RHBDD1: variants seen among roughly 807,000 people sequenced by gnomAD.
RHBDD1 encodes rhomboid domain containing 1, also known as rhomboid-related protein 4.
A neutral mutation model predicts 36.3 loss-of-function variants in RHBDD1; 38 were observed. The ratio of observed to expected loss-of-function variants is 1.05; its 90% CI spans 0.81 to 1.37. RHBDD1 has a LOEUF of 1.37. Among genes scored for constraint, RHBDD1 ranks in the 40% most tolerant of loss-of-function variants. The pLI, the probability that RHBDD1 is intolerant of heterozygous loss-of-function variation, is 0.00. For missense variants in RHBDD1, 393 were observed against 377.6 expected, an observed-to-expected ratio of 1.04 and a Z score of -0.34; for synonymous variants, 151 against 136.5, an observed-to-expected ratio of 1.11 and a Z score of -0.74.
At chr2:226,819,081 T>C in the RHBDD1 span, among the ~76,000 whole-genome samples, 66 of 152,328 alleles carry the variant, frequency 4.3e-4, no homozygotes, top group African/African-American at 1.5e-3. Context: ...GACTCGTTTA[T>C]ATCACCTGCC....
At position 226,869,485 on chromosome 2, in the gene RHBDD1, T is replaced by C. The variant is rs367675378; in HGVS notation, c.566+2167T>C. 6.8e-4 allele frequency among the ~76,000 whole-genome samples: 103 copies of C among 152,332 alleles called. 1 individual carries two copies. The highest frequency in any genetic ancestry group is 1.1e-3 in the Non-Finnish European group (78 of 68,026). On this transcript the variant is annotated intron_variant, in intron 5 of 8. Transcript: ENST00000392062. ...TGATGGTTGTCAATTAGAATTTTCA[T>C]TGGGAAAACACTGTAAATCTTTAGA... is the stretch of plus-strand genomic sequence containing the variant.
At position 226,995,610 on chromosome 2, in the gene RHBDD1, T is replaced by G; in HGVS notation, c.*88T>G. ...AGCCCCTAATTCATTTTAATTCATT[T>G]TAAACAAAAGCAGAGTACACCGGTA... On this transcript the variant is annotated 3_prime_UTR_variant, in exon 9 of 9. Transcript: ENST00000392062. 1.1e-6 allele frequency: 1 copy of G among 948,664 alleles called. No homozygotes were observed. Among genetic ancestry groups the G allele is most frequent in the Non-Finnish European group, 1.7e-6 (1 of 599,930 alleles). 58.8% of individuals were successfully genotyped at this position (948,664 alleles called of 1,614,324 possible). A position where few individuals can be genotyped will look rare whatever the true frequency, so the allele number is the denominator to read the frequency against.
intron 4 of RHBDD1, 70 bp from the exon 5 acceptor site, chr2:226,867,112 TTAAC>T: frequency 7.2e-7 from 1 of 1,393,254 alleles, no homozygotes; most frequent in Non-Finnish European, 9.8e-7. Flanking sequence ...TCACTTTTAA[TTAAC>T]TTTCTTTGTA....
chr2:226,892,352 T>A (rs185937403), intron 5 of RHBDD1, among the ~76,000 whole-genome samples: 1 of 152,346 alleles, frequency 6.6e-6, no homozygotes, highest in Admixed American at 6.5e-5. Context: ...AATTTACTTT[T>A]TCTGAAATTA....
chr2:226,858,143 A>C (rs1157356100), intron 3 of RHBDD1, among the ~76,000 whole-genome samples: 1 of 152,176 alleles, frequency 6.6e-6, no homozygotes, highest in Non-Finnish European at 1.5e-5. Context: ...AGTGATAAGA[A>C]GCCTCTTGCC....
chr2:226,907,250 A>G (rs1346985521), intron 6 of RHBDD1, among the ~76,000 whole-genome samples: 2 of 152,226 alleles, frequency 1.3e-5, no homozygotes, highest in East Asian at 1.9e-4. Flanking sequence ...TGCAAGGCAA[A>G]GGTGAAAAAG....
At chr2:226,809,211 G>A in the RHBDD1 span, among the ~76,000 whole-genome samples, 21 of 152,208 alleles carry the variant, frequency 1.4e-4, no homozygotes, top group Admixed American at 1.4e-3. Flanking sequence ...AACCAGTAAA[G>A]TTGCTCTCTT....
chr2:226,847,918 C>T (rs868466046), intron 3 of RHBDD1, among the ~76,000 whole-genome samples: 10 of 152,196 alleles, frequency 6.6e-5, no homozygotes, highest in African/African-American at 1.2e-4. Flanking sequence ...AAGCATGGAA[C>T]GCCTTGCAAC....
chr2:226,987,569 G>A (rs942022852), intron 8 of RHBDD1, among the ~76,000 whole-genome samples: 4 of 152,208 alleles, frequency 2.6e-5, no homozygotes, highest in African/African-American at 7.2e-5. Context: ...ACCACCTGAC[G>A]CCTGTGTCTC....
At chr2:226,814,775 CT>C in the RHBDD1 span, among the ~76,000 whole-genome samples, 1 of 152,214 alleles carries the variant, frequency 6.6e-6, no homozygotes, top group African/African-American at 2.4e-5. Context: ...CATCTAATCA[CT>C]CTCCCCGTCT....
chr2:226,836,815 C>T (rs771276998), intron 1 of RHBDD1, among the ~76,000 whole-genome samples: 4 of 152,212 alleles, frequency 2.6e-5, no homozygotes, highest in Non-Finnish European at 4.4e-5. Flanking sequence ...TCTAATTTCT[C>T]ACAGTTGTGT....
intron 6 of RHBDD1, 103 bp from the exon 7 acceptor site, chr2:226,908,719 G>A: frequency 1.3e-6 from 1 of 797,022 alleles, no homozygotes. Context: ...GAAATCATTT[G>A]AAATGACCTT....
chr2:226,963,596 T>A (rs1452752374), intron 8 of RHBDD1, among the ~76,000 whole-genome samples: 1 of 152,116 alleles, frequency 6.6e-6, no homozygotes, highest in Non-Finnish European at 1.5e-5. Flanking sequence ...CTCTTCTCCC[T>A]CCACTGCTTA....
At chr2:226,855,997 G>A (rs576634032) in intron 3 of RHBDD1, among the ~76,000 whole-genome samples, 4 of 152,078 alleles carry the variant, frequency 2.6e-5, no homozygotes, top group Non-Finnish European at 5.9e-5. Context: ...TAATGGATTA[G>A]ATAGCCGGAA....
At chr2:226,980,407 T>A (rs183844978) in intron 8 of RHBDD1, among the ~76,000 whole-genome samples, 1 of 152,312 alleles carries the variant, frequency 6.6e-6, no homozygotes, top group East Asian at 1.9e-4. Flanking sequence ...ATGAAATGCC[T>A]GGAAGAGAAA....
intron 6 of RHBDD1, among the ~76,000 whole-genome samples, chr2:226,907,580 C>A (rs1054347065): frequency 6.7e-6 from 1 of 149,340 alleles, no homozygotes; most frequent in Admixed American, 6.7e-5. Context: ...CATGGGAAGT[C>A]TTCTGAGACT....
At chr2:226,985,635 G>A (rs752263177) in intron 8 of RHBDD1, among the ~76,000 whole-genome samples, 2 of 152,244 alleles carry the variant, frequency 1.3e-5, no homozygotes, top group African/African-American at 2.4e-5. Context: ...GGAGTCACCC[G>A]GGAGCTCATT....
chr2:226,872,130 G>A (rs1218829562), intron 5 of RHBDD1, among the ~76,000 whole-genome samples: 2 of 152,204 alleles, frequency 1.3e-5, no homozygotes, highest in Non-Finnish European at 2.9e-5. Flanking sequence ...TGAGGAAGAT[G>A]AATGTTTGTC....
chr2:226,898,452 T>C (rs1038003261), intron 5 of RHBDD1, among the ~76,000 whole-genome samples: 3 of 152,186 alleles, frequency 2.0e-5, no homozygotes, highest in Non-Finnish European at 4.4e-5. Flanking sequence ...TAAATCATCA[T>C]GGATTGTAGA....
Sources: gnomAD v4.1 joint callset for allele counts (sites outside exome capture counted in the v4.1 genomes callset) on GRCh38, gnomAD v4.1.1 for gene constraint, MANE v1.5 for transcripts, NCBI Gene and HGNC (gene_info 2026-07-23, HGNC 2026-07-21) for gene names.